Variants in ZNF468 observed in about 807,000 individuals in gnomAD.
ZNF468 encodes zinc finger protein ZNF468.
In ZNF468, 8 loss-of-function variants were observed where a neutral mutation model predicts 7.2. That is an observed-to-expected ratio of 1.11 (90% CI 0.65 to 2.01). ZNF468 has a LOEUF of 2.01. ZNF468 is among the 30% of genes most tolerant of loss of function. The pLI is 0.00. For missense variants in ZNF468, 608 were observed against 626.5 expected (o/e 0.97, Z 0.31); for synonymous variants, 218 against 214.4 (o/e 1.02, Z -0.15).
rs2063277138 is a variant in ZNF468 at position 52,839,600 on chromosome 19, T to A, written c.*1125A>T. On this transcript the variant is annotated 3_prime_UTR_variant, in exon 4 of 4. Coordinates refer to ENST00000595646, the MANE Select transcript of ZNF468 (RefSeq NM_001008801.2). ...GGAGTGACCTTGGACTGAAGACCCT[T>A]CCACACTGATGACATTTGTAAGATT... The A allele has an allele frequency of 1.8e-6, 1 of 547,334 alleles. No homozygotes were observed. 33.9% of individuals were successfully genotyped at this position (547,334 alleles called of 1,614,324 possible).
intron 2 of ZNF468, among the ~76,000 whole-genome samples, chr19:52,849,866 G>T (rs1466334895): frequency 6.6e-6 from 1 of 152,024 alleles, no homozygotes; most frequent in East Asian, 1.9e-4. Context: ...TCCCGCCAGG[G>T]CACTCAAGCC....
Position 52,840,074 on chromosome 19 carries a change from C to A in ZNF468, c.*651G>T. ...CCAGTGTGAATTCTAGTATGGGGTG[C>A]CACGTGTGAATCATTCCCGAAAGCC... On this transcript the variant is annotated 3_prime_UTR_variant, in exon 4 of 4. Transcript: ENST00000595646. The A allele has an allele frequency of 9.8e-7, 1 of 1,021,530 alleles. No homozygotes were observed. Among genetic ancestry groups the A allele is most frequent in the Non-Finnish European group, 1.4e-6 (1 of 739,024 alleles). The allele number at this position is 1,021,530 out of a possible 1,614,324, so 63.3% of individuals were successfully genotyped here.
rs1487222192 is a variant in ZNF468 at position 52,840,254 on chromosome 19, T to C, written c.*471A>G. The C allele has an allele frequency of 2.5e-6, 1 of 402,536 alleles. No homozygotes were observed. The highest frequency in any genetic ancestry group is 4.9e-6 in the Non-Finnish European group (1 of 202,480). The allele number at this position is 402,536 out of a possible 1,614,324, so 24.9% of individuals were successfully genotyped here. A position where few individuals can be genotyped will look rare whatever the true frequency, so the allele number is the denominator to read the frequency against. On this transcript the variant is annotated 3_prime_UTR_variant, in exon 4 of 4. Transcript: ENST00000595646. ...TATGATGACTTGCAAGGTGTGATTG[T>C]TGATTAAAAACCATGTCACATTCAT... is the stretch of plus-strand genomic sequence containing the variant.
rs570995797 is a variant in ZNF468, at chr19:52,850,815, C to T, written c.16-1602G>A. Among the ~76,000 whole-genome samples, 113 of 151,878 alleles carry T rather than the reference C, an allele frequency of 7.4e-4. 1 individual carries two copies. The highest frequency in any genetic ancestry group is 2.8e-3 in the Admixed American group (42 of 15,250). On this transcript the variant is annotated intron_variant, in intron 2 of 3. Coordinates refer to ENST00000595646, the MANE Select transcript of ZNF468 (RefSeq NM_001008801.2). ...TCGGGAGGCTGAGGCAGGAGAATGG[C>T]GTGAACCCGGGAGGTGGAGCTTGCA...
chr19:52,853,615 C>T (rs1304579588), intron 2 of ZNF468, among the ~76,000 whole-genome samples: 11,014 of 120,310 alleles, frequency 0.092, 2 homozygotes, highest in African/African-American at 0.14. Flanking sequence ...CACTTGAACC[C>T]AGGAGGCGGA....
Position 52,851,938 on chromosome 19 carries a change from G to A in ZNF468, c.15+2320C>T, listed in dbSNP as rs557297769. 5.9e-5 allele frequency among the ~76,000 whole-genome samples: 9 copies of A among 152,170 alleles called. No homozygotes were observed. The South Asian group carries it at 1.9e-3, about 32-fold the overall frequency. On this transcript the variant is annotated intron_variant, in intron 2 of 3. Coordinates refer to ENST00000595646, the MANE Select transcript of ZNF468 (RefSeq NM_001008801.2). ...TGTATATGTATAGATGTGTGTGTAT[G>A]TATGTATGTATATATTTATTTATAT...
intron 3 of ZNF468, among the ~76,000 whole-genome samples, chr19:52,844,121 A>G (rs1308280406): frequency 2.0e-5 from 3 of 152,188 alleles, no homozygotes; most frequent in Admixed American, 6.5e-5. Flanking sequence ...CTTTGTCTCA[A>G]AGAAATAAAA....
rs1600508084 is a variant in ZNF468, at chr19:52,840,734, C to T, written c.1560G>A (p.Glu520=). 1.9e-6 allele frequency: 3 copies of T among 1,613,874 alleles called. No individual in the cohort carries two copies. The highest frequency in any genetic ancestry group is 1.3e-5 in the African/African-American group (1 of 74,972). The change falls in exon 4 of 4, where the codon GAG becomes GAA. Residue 520 remains glutamate, a synonymous_variant. Transcript: ENST00000595646. ...LVYHHRLHSG[E]KP ...CACACTCATTACACTATTAAGGCTT[C>T]TCTCCACTATGAAGCCTATGATGGT... is the stretch of plus-strand genomic sequence containing the variant.
Position 52,841,378 on chromosome 19 carries a change from T to TTCA in ZNF468, c.915_916insTGA (p.Asp305_Lys306insTer). On this transcript the variant is annotated stop_gained and inframe_insertion, in exon 4 of 4. Coordinates refer to ENST00000595646, the MANE Select transcript of ZNF468 (RefSeq NM_001008801.2). LOFTEE classifies it low-confidence loss of function (END_TRUNC). ...AGGTGTGATTTGCGACTGAAAACTTTGTCACATTCTTCACATTCATAAGGT... is the reference window on the plus strand; with the variant it reads ...AGGTGTGATTTGCGACTGAAAACTTTTCAGTCACATTCTTCACATTCATAAGGT... The TTCA allele has an allele frequency of 6.2e-7, 1 of 1,614,058 alleles. No homozygotes were observed. The highest frequency in any genetic ancestry group is 8.5e-7 in the Non-Finnish European group (1 of 1,179,980).
intron 3 of ZNF468, among the ~76,000 whole-genome samples, chr19:52,847,005 AAAAG>A (rs143015861): frequency 0.15 from 23,154 of 151,898 alleles, 2,065 homozygotes; most frequent in Admixed American, 0.29. Flanking sequence ...TGTCATAAAA[AAAAG>A]AAAGAAAGAA....
chr19:52,851,916 A>G (rs2063393223), intron 2 of ZNF468, among the ~76,000 whole-genome samples: 1 of 152,152 alleles, frequency 6.6e-6, no homozygotes, highest in African/African-American at 2.4e-5. Flanking sequence ...ATATGCATGT[A>G]TATGTATAGA....
rs879146522 is a variant in ZNF468, at chr19:52,840,869, G to C, written c.1425C>G (p.Thr475=). 6.2e-7 allele frequency: 1 copy of C among 1,613,060 alleles called. No homozygotes were observed. Among genetic ancestry groups the C allele is most frequent in the South Asian group, 1.1e-5 (1 of 91,020 alleles). ...KPYKCNECGK[T]FGQTSSLIIH... is the part of the protein sequence containing the mutation. ...TTATAAGCGATGATGTCTGACCGAA[G>C]GTCTTGCCACACTCATTACACTTGT... is the stretch of plus-strand genomic sequence containing the variant. Residue 475 remains threonine (T), a synonymous_variant, in exon 4 of 4, where the codon ACC becomes ACG. Coordinates refer to ENST00000595646, the MANE Select transcript of ZNF468 (RefSeq NM_001008801.2).
chr19:52,842,289 AG>A, intron 3 of ZNF468, 138 bp from the exon 4 acceptor site: 1 of 737,396 alleles, frequency 1.4e-6, no homozygotes, highest in South Asian at 2.8e-5. Flanking sequence ...GGAACACAAA[AG>A]GAGTAAGATT....
chr19:52,843,655 G>T (rs2063322544), intron 3 of ZNF468, among the ~76,000 whole-genome samples: 1 of 152,008 alleles, frequency 6.6e-6, no homozygotes, highest in South Asian at 2.1e-4. Context: ...AAACAAGCAA[G>T]AAAATAATAA....
rs1213462786 is a variant in ZNF468 at position 52,849,085 on chromosome 19, A to G, written c.142+2T>C. 1 of 1,613,610 alleles carries G rather than the reference A, an allele frequency of 6.2e-7. No individual in the cohort carries two copies. The highest frequency in any genetic ancestry group is 8.5e-7 in the Non-Finnish European group (1 of 1,179,826). ...CATCCCCAGGAGGGAAGTTATCCTC[A>G]CCCAGGGAGACGAGGTTCCTATAAT... On this transcript the variant is annotated splice_donor_variant, in intron 3 of 3. Coordinates refer to ENST00000595646, the MANE Select transcript of ZNF468 (RefSeq NM_001008801.2). LOFTEE classifies it high-confidence loss of function.
At chr19:52,853,789 T>C in intron 2 of ZNF468, 2 of 903,140 alleles carry the variant, frequency 2.2e-6, no homozygotes, top group Non-Finnish European at 1.4e-6. Context: ...AGAAACACAG[T>C]AACTCACTCC....
Position 52,840,356 on chromosome 19 carries a change from G to T in ZNF468, c.*369C>A. On this transcript the variant is annotated 3_prime_UTR_variant, in exon 4 of 4. Coordinates refer to ENST00000595646, the MANE Select transcript of ZNF468 (RefSeq NM_001008801.2). ...CTTTTAATTACAAGGTGTGAATTTT[G>T]ACCAACGGTCTTGCCACACTCATTA... 1 of 471,654 alleles carries T rather than the reference G, an allele frequency of 2.1e-6. No homozygotes were observed. Among genetic ancestry groups the T allele is most frequent in the Non-Finnish European group, 4.0e-6 (1 of 248,062 alleles). 29.2% of individuals were successfully genotyped at this position (471,654 alleles called of 1,614,324 possible). A position where few individuals can be genotyped will look rare whatever the true frequency, so the allele number is the denominator to read the frequency against.
At chr19:52,844,019 A>C (rs1241913636) in intron 3 of ZNF468, among the ~76,000 whole-genome samples, 1 of 152,164 alleles carries the variant, frequency 6.6e-6, no homozygotes, top group Non-Finnish European at 1.5e-5. Context: ...CTACTTGGGA[A>C]TCTGAGGCAG....
At chr19:52,855,012 A>AAAATACAAATAC (rs150544698) in intron 1 of ZNF468, among the ~76,000 whole-genome samples, 2 of 148,760 alleles carry the variant, frequency 1.3e-5, no homozygotes, top group African/African-American at 5.0e-5. Context: ...AAAATAAAAT[A>AAAATACAAATAC]AAATACAAAT....
Sources: allele counts gnomAD v4.1 joint callset (sites outside exome capture counted in the v4.1 genomes callset), GRCh38; gene constraint gnomAD v4.1.1; transcripts MANE v1.5; gene names NCBI Gene and HGNC (gene_info 2026-07-23, HGNC 2026-07-21).